Variants in CHN1 observed in about 807,000 individuals in gnomAD.
CHN1 encodes chimerin 1, also known as N-chimaerin.
CHN1 carries 37 observed loss-of-function variants against 59.5 expected under a neutral mutation model. The ratio of observed to expected loss-of-function variants is 0.62; its 90% CI spans 0.48 to 0.82. The LOEUF (loss-of-function observed/expected upper bound fraction) is 0.82, where lower values mean the gene tolerates loss of function less well. Ranked by LOEUF, CHN1 falls within the 40% of genes least tolerant of loss-of-function variation. The probability of loss-of-function intolerance (pLI) is 0.00; values close to 1 mark genes in which losing one functional copy is unlikely to be tolerated. For synonymous variants in CHN1, 206 were observed against 200.4 expected, an observed-to-expected ratio of 1.03 and a Z score of -0.24; for missense variants, 469 against 571.0, an observed-to-expected ratio of 0.82 and a Z score of 1.82.
chr2:174,928,431 A>G (rs1689237448), intron 3 of CHN1, among the ~76,000 whole-genome samples: 1 of 152,248 alleles, frequency 6.6e-6, no homozygotes, highest in South Asian at 2.1e-4. Flanking sequence ...TGACTCATAC[A>G]GATATAAAAA....
intron 1 of CHN1, among the ~76,000 whole-genome samples, chr2:174,959,511 C>A (rs933437179): frequency 6.6e-6 from 1 of 152,094 alleles, no homozygotes; most frequent in Non-Finnish European, 1.5e-5. Context: ...GGCAGGAGGA[C>A]CAATTTTCCA....
intron 6 of CHN1, among the ~76,000 whole-genome samples, chr2:174,848,217 ATTTTTTT>A (rs146017384): frequency 1.3e-4 from 19 of 151,994 alleles, no homozygotes; most frequent in South Asian, 2.1e-4. Flanking sequence ...TAGTCTCAAC[ATTTTTTT>A]TATTCAGAGA....
chr2:174,990,288 C>A (rs1275639610), intron 1 of CHN1, among the ~76,000 whole-genome samples: 14 of 104,266 alleles, frequency 1.3e-4, no homozygotes, highest in Admixed American at 2.6e-4. Context: ...AGAGAGAGAG[C>A]GCGAGCGCAA....
chr2:174,973,810 C>T (rs1028388938), intron 1 of CHN1, among the ~76,000 whole-genome samples: 1 of 152,118 alleles, frequency 6.6e-6, no homozygotes, highest in African/African-American at 2.4e-5. Context: ...TGAATATTAG[C>T]TATTGTTATT....
intron 1 of CHN1, among the ~76,000 whole-genome samples, chr2:174,994,902 G>A (rs1368531800): frequency 6.6e-6 from 1 of 152,064 alleles, no homozygotes; most frequent in Non-Finnish European, 1.5e-5. Context: ...AGGAACCACT[G>A]GACGATTTTA....
rs868319567 is a variant in CHN1 at position 174,920,008 on chromosome 2, A to G, written c.115-1443T>C. Among the ~76,000 whole-genome samples, 3 of 152,252 alleles carry G rather than the reference A, an allele frequency of 2.0e-5. No homozygotes were observed. The South Asian group carries it at 6.2e-4, about 32-fold the overall frequency. On this transcript the variant is annotated intron_variant, in intron 3 of 12. Transcript: ENST00000409900. Reference sequence around the variant, plus strand: ...TCTACTTCTTGCTACTACGAATTCAACATGTTTAGATTCCACAAGTGAGAT... The same window carrying G: ...TCTACTTCTTGCTACTACGAATTCAGCATGTTTAGATTCCACAAGTGAGAT...
rs74904040 is a variant in CHN1, at chr2:174,899,228, C to T, written c.260+15830G>A. 3.4e-4 allele frequency among the ~76,000 whole-genome samples: 51 copies of T among 152,158 alleles called. No individual in the cohort carries two copies. In the East Asian group the frequency reaches 8.9e-3, roughly 26 times the overall value. ...GAGGGCACTCAGGAGAAGACAGACA[C>T]GATACATATGAATTAGAAAGAGTCA... On this transcript the variant is annotated intron_variant, in intron 5 of 12. Coordinates refer to ENST00000409900, the MANE Select transcript of CHN1 (RefSeq NM_001822.7).
chr2:174,846,329 TACTCAAAA>T, intron 7 of CHN1: 1 of 1,548,946 alleles, frequency 6.5e-7, no homozygotes, highest in South Asian at 1.2e-5. Context: ...TGAAAGCAAA[TACTCAAAA>T]AGTGAGGAGA....
intron 4 of CHN1, 22 bp downstream of exon 4, chr2:174,918,511 GT>G: frequency 1.3e-6 from 2 of 1,559,146 alleles, no homozygotes; most frequent in South Asian, 1.2e-5. Flanking sequence ...TCTATAAAAC[GT>G]TTTCTAATAA....
intron 1 of CHN1, among the ~76,000 whole-genome samples, chr2:174,989,155 AT>A (rs1691456093): frequency 6.6e-6 from 1 of 151,530 alleles, no homozygotes; most frequent in Non-Finnish European, 1.5e-5. Context: ...AGGTGGGCAG[AT>A]CACAAGGTCA....
intron 3 of CHN1, 116 bp downstream of exon 3, chr2:174,944,772 A>T (rs995547098): frequency 1.6e-6 from 1 of 635,988 alleles, no homozygotes; most frequent in African/African-American, 1.8e-5. Context: ...TAATTTTATC[A>T]TATCGATTAG....
rs1347802603 is a variant in CHN1, at chr2:174,935,265, C to T, written c.114+9623G>A. Among the ~76,000 whole-genome samples, 3 of 152,290 alleles carry T rather than the reference C, an allele frequency of 2.0e-5. No homozygotes were observed. The East Asian group carries it at 5.8e-4, about 29-fold the overall frequency. Reference sequence around the variant, plus strand: ...CATTCCCCACCTAGACTGGAAGCTCCTTCAGGAGAGGGATTTTGCTTTATT... The same window carrying T: ...CATTCCCCACCTAGACTGGAAGCTCTTTCAGGAGAGGGATTTTGCTTTATT... On this transcript the variant is annotated intron_variant, in intron 3 of 12. Transcript: ENST00000409900.
At chr2:174,970,641 C>T (rs944688452) in intron 1 of CHN1, among the ~76,000 whole-genome samples, 2 of 152,006 alleles carry the variant, frequency 1.3e-5, no homozygotes, top group Admixed American at 1.3e-4. Context: ...AAATGACAAA[C>T]GTAGGATAAT....
intron 7 of CHN1, among the ~76,000 whole-genome samples, chr2:174,841,019 C>T (rs1686282204): frequency 1.3e-5 from 2 of 152,146 alleles, no homozygotes; most frequent in Admixed American, 1.3e-4. Context: ...TATAAAACAT[C>T]TCCAGAATAA....
chr2:174,986,243 C>T (rs981515779), intron 1 of CHN1, among the ~76,000 whole-genome samples: 1 of 152,060 alleles, frequency 6.6e-6, no homozygotes, highest in African/African-American at 2.4e-5. Flanking sequence ...AATTACTCTC[C>T]TAATTTTATA....
rs555318747 is a variant in CHN1, at chr2:174,824,812, T to C, written c.628-294A>G. On this transcript the variant is annotated intron_variant, in intron 7 of 12. Transcript: ENST00000409900. ...TTTTTGTAGAGACAGGGTTTTACCATGTTGCTCAGGCTAGTCTTGAACTTC... is the reference window on the plus strand; with the variant it reads ...TTTTTGTAGAGACAGGGTTTTACCACGTTGCTCAGGCTAGTCTTGAACTTC... 3.9e-4 allele frequency among the ~76,000 whole-genome samples: 60 copies of C among 152,258 alleles called. No individual in the cohort carries two copies. In the South Asian group the frequency reaches 0.012, roughly 29 times the overall value.
At chr2:174,906,965 T>C (rs991867738) in intron 5 of CHN1, among the ~76,000 whole-genome samples, 4 of 152,152 alleles carry the variant, frequency 2.6e-5, no homozygotes, top group African/African-American at 9.7e-5. Context: ...GAAGAAACCT[T>C]GTAGATTTTC....
intron 4 of CHN1, among the ~76,000 whole-genome samples, chr2:174,917,467 AT>A (rs1192799872): frequency 6.6e-6 from 1 of 152,144 alleles, no homozygotes; most frequent in Non-Finnish European, 1.5e-5. Flanking sequence ...TTAAAAGAAA[AT>A]CAAACTAAAG....
chr2:174,829,637 G>T (rs1197142592), intron 7 of CHN1, among the ~76,000 whole-genome samples: 1 of 152,164 alleles, frequency 6.6e-6, no homozygotes, highest in African/African-American at 2.4e-5. Flanking sequence ...CAAGGAGCAT[G>T]CCTGCAAAGC....
Sources: allele counts gnomAD v4.1 joint callset (sites outside exome capture counted in the v4.1 genomes callset), GRCh38; gene constraint gnomAD v4.1.1; transcripts MANE v1.5; gene names NCBI Gene and HGNC (gene_info 2026-07-23, HGNC 2026-07-21).